Variants in KCNMB2 observed in about 807,000 individuals in gnomAD.
KCNMB2 encodes the protein potassium calcium-activated channel subfamily M regulatory beta subunit 2, also known as calcium-activated potassium channel subunit beta-2.
KCNMB2 carries 9 observed loss-of-function variants against 24.5 expected under a neutral mutation model. The observed-to-expected ratio is 0.37, with a 90% CI of 0.22 to 0.64. The LOEUF (loss-of-function observed/expected upper bound fraction) is 0.64, where lower values mean the gene tolerates loss of function less well. Among genes scored for constraint, KCNMB2 ranks in the 30% least tolerant of loss-of-function variants. KCNMB2 has a pLI of 0.63. For synonymous variants in KCNMB2, 109 were observed against 104.4 expected, an observed-to-expected ratio of 1.04 and a Z score of -0.27; for missense variants, 226 against 284.3, an observed-to-expected ratio of 0.79 and a Z score of 1.47.
chr3:178,684,080 C>A (rs150898807), intron 1 of KCNMB2, among the ~76,000 whole-genome samples: 2 of 152,064 alleles, frequency 1.3e-5, no homozygotes, highest in East Asian at 3.9e-4. Flanking sequence ...TTCACAGTAG[C>A]CAGGATATGG....
At chr3:178,784,467 A>G (rs1179306434) in intron 1 of KCNMB2, among the ~76,000 whole-genome samples, 2 of 152,184 alleles carry the variant, frequency 1.3e-5, no homozygotes, top group Non-Finnish European at 2.9e-5. Context: ...TCTATATGCT[A>G]CAAAATGTAG....
chr3:178,713,747 A>G (rs1209479873), intron 1 of KCNMB2, among the ~76,000 whole-genome samples: 6 of 152,072 alleles, frequency 3.9e-5, no homozygotes, highest in South Asian at 2.1e-4. Flanking sequence ...CTTCCACACA[A>G]AGCCACCTTC....
chr3:178,619,776 T>G (rs1459962904), intron 1 of KCNMB2, among the ~76,000 whole-genome samples: 2 of 152,174 alleles, frequency 1.3e-5, no homozygotes, highest in African/African-American at 4.8e-5. Context: ...TTGGATAATT[T>G]TTACTGAGTC....
At chr3:178,624,101 C>T (rs1242135143) in intron 1 of KCNMB2, among the ~76,000 whole-genome samples, 1 of 152,132 alleles carries the variant, frequency 6.6e-6, no homozygotes, top group South Asian at 2.1e-4. Flanking sequence ...TAACCCAAGG[C>T]CCCTGATCCA....
chr3:178,617,580 A>G (rs1560133421), intron 1 of KCNMB2, among the ~76,000 whole-genome samples: 1 of 151,162 alleles, frequency 6.6e-6, no homozygotes, highest in Non-Finnish European at 1.5e-5. Flanking sequence ...GAAAGTATCA[A>G]AATAACACAA....
intron 1 of KCNMB2, among the ~76,000 whole-genome samples, chr3:178,614,345 A>G (rs1264644020): frequency 4.4e-5 from 6 of 137,016 alleles, no homozygotes; most frequent in Non-Finnish European, 6.2e-5. Flanking sequence ...ATATATATAT[A>G]TGTATATATA....
At chr3:178,823,887 G>A (rs531207536) in intron 2 of KCNMB2, among the ~76,000 whole-genome samples, 19 of 151,044 alleles carry the variant, frequency 1.3e-4, no homozygotes, top group African/African-American at 4.2e-4. Flanking sequence ...AGTTATTCTT[G>A]TGCATATTGG....
At chr3:178,723,532 A>C (rs1433754838) in intron 1 of KCNMB2, among the ~76,000 whole-genome samples, 2 of 152,110 alleles carry the variant, frequency 1.3e-5, no homozygotes, top group Non-Finnish European at 2.9e-5. Context: ...ATACATGTGC[A>C]GGTTTATTAC....
intron 1 of KCNMB2, among the ~76,000 whole-genome samples, chr3:178,549,706 T>C (rs1167645764): frequency 1.3e-5 from 2 of 151,888 alleles, no homozygotes; most frequent in East Asian, 3.9e-4. Flanking sequence ...AATGAGAGAG[T>C]TCTGTTAAAT....
chr3:178,695,595 T>TA (rs1161935059), intron 1 of KCNMB2, among the ~76,000 whole-genome samples: 1 of 152,068 alleles, frequency 6.6e-6, no homozygotes, highest in Non-Finnish European at 1.5e-5. Context: ...AGGTCAGGGG[T>TA]AAAAAATCCA....
chr3:178,726,879 T>C (rs994131353), intron 1 of KCNMB2, among the ~76,000 whole-genome samples: 3 of 152,104 alleles, frequency 2.0e-5, no homozygotes, highest in Admixed American at 6.6e-5. Context: ...CCATAATTTA[T>C]TGAAAAGATA....
chr3:178,828,973 G>T (rs1714949870), intron 4 of KCNMB2, among the ~76,000 whole-genome samples: 1 of 138,306 alleles, frequency 7.2e-6, no homozygotes, highest in South Asian at 2.3e-4. Flanking sequence ...GTGTGTGTGT[G>T]TTCTTCACAT....
intron 1 of KCNMB2, among the ~76,000 whole-genome samples, chr3:178,604,365 T>C (rs1718201158): frequency 6.9e-6 from 1 of 145,514 alleles, no homozygotes; most frequent in Admixed American, 6.9e-5. Flanking sequence ...TAAAATTCAA[T>C]ACAAAAAACA....
intron 1 of KCNMB2, among the ~76,000 whole-genome samples, chr3:178,629,209 T>A (rs1719226133): frequency 6.6e-6 from 1 of 152,210 alleles, no homozygotes. Flanking sequence ...CATTGTCTTC[T>A]ATACATAGTC....
At chr3:178,574,382 ATATCT>A (rs969411485) in intron 1 of KCNMB2, among the ~76,000 whole-genome samples, 4 of 152,210 alleles carry the variant, frequency 2.6e-5, no homozygotes, top group Non-Finnish European at 5.9e-5. Flanking sequence ...CCTTCCGGAC[ATATCT>A]TATCTCTTTG....
chr3:178,681,306 TGA>T (rs766016380), intron 1 of KCNMB2, among the ~76,000 whole-genome samples: 8 of 152,208 alleles, frequency 5.3e-5, no homozygotes, highest in Non-Finnish European at 1.0e-4. Flanking sequence ...TTGTAAGCAG[TGA>T]GAATTAGTTA....
At chr3:178,620,339 T>A (rs62284831) in intron 1 of KCNMB2, among the ~76,000 whole-genome samples, 33,699 of 150,990 alleles carry the variant, frequency 0.22, 4,292 homozygotes, top group Middle Eastern at 0.37. Context: ...GAAAAAATTT[T>A]AAATTATTTT....
chr3:178,834,562 T>C (rs1197852277), intron 4 of KCNMB2, among the ~76,000 whole-genome samples: 4 of 152,132 alleles, frequency 2.6e-5, no homozygotes, highest in African/African-American at 7.2e-5. Flanking sequence ...CTGTGATCCA[T>C]AGGTAAGATT....
intron 1 of KCNMB2, among the ~76,000 whole-genome samples, chr3:178,783,998 A>G (rs545311392): frequency 1.3e-5 from 2 of 152,186 alleles, no homozygotes; most frequent in Admixed American, 1.3e-4. Context: ...ATTTTTTAGC[A>G]TGAAGGGTTG....
Sources: gnomAD v4.1 joint callset for allele counts (sites outside exome capture counted in the v4.1 genomes callset) on GRCh38, gnomAD v4.1.1 for gene constraint, MANE v1.5 for transcripts, NCBI Gene and HGNC (gene_info 2026-07-23, HGNC 2026-07-21) for gene names.